The following NPC1 variants were observed in gnomAD, a reference collection of about 807,000 sequenced individuals.
NPC1 encodes the protein NPC intracellular cholesterol transporter 1.
A neutral mutation model predicts 140.4 loss-of-function variants in NPC1; 85 were observed. That is an observed-to-expected ratio of 0.61 (90% CI 0.51 to 0.72). The LOEUF is 0.72. NPC1 is among the 30% of genes least tolerant of loss of function. The pLI, the probability that NPC1 is intolerant of heterozygous loss-of-function variation, is 0.00. For synonymous variants in NPC1, 656 were observed against 624.8 expected, an observed-to-expected ratio of 1.05 and a Z score of -0.74; for missense variants, 1,504 against 1,623.8, an observed-to-expected ratio of 0.93 and a Z score of 1.27.
downstream of NPC1, among the ~76,000 whole-genome samples, chr18:23,524,805 G>C (rs1652335): frequency 6.6e-6 from 1 of 151,826 alleles, no homozygotes; most frequent in Admixed American, 6.6e-5. Flanking sequence ...TTCTCCCATC[G>C]ACCTTCCCAC....
chr18:23,577,672 G>C (rs1035119244), intron 1 of NPC1, among the ~76,000 whole-genome samples: 1 of 152,242 alleles, frequency 6.6e-6, no homozygotes, highest in Non-Finnish European at 1.5e-5. Context: ...GGGCGCCGTG[G>C]AGCAGGGGGT....
chr18:23,517,359 A>G (rs976808528), downstream of NPC1, among the ~76,000 whole-genome samples: 1 of 152,132 alleles, frequency 6.6e-6, no homozygotes, highest in Non-Finnish European at 1.5e-5. Context: ...CATGTTGGCC[A>G]GGGTGGTCTC....
chr18:23,529,392 G>C (rs543174469), downstream of NPC1: 1 of 1,490,356 alleles, frequency 6.7e-7, no homozygotes, highest in East Asian at 2.3e-5. Flanking sequence ...AGAGTCACTT[G>C]AAGTGATTAG....
Position 23,533,531 on chromosome 18 carries a change from T to TA in NPC1, c.3592-15dup, listed in dbSNP as rs753956928. On this transcript the variant is annotated splice_polypyrimidine_tract_variant and intron_variant, in intron 23 of 24. Coordinates refer to ENST00000269228, the MANE Select transcript of NPC1 (RefSeq NM_000271.5). ...TCCACTGAACACCTAAAAGAAGAGA[T>TA]ACTGTGTTAGAAACCACTTTTACCA... 3.1e-6 allele frequency: 5 copies of TA among 1,613,628 alleles called. No individual in the cohort carries two copies. The highest frequency in any genetic ancestry group is 1.1e-5 in the South Asian group (1 of 91,080).
Position 23,532,014 on chromosome 18 carries a change from C to G in NPC1, c.*188G>C. On this transcript the variant is annotated 3_prime_UTR_variant, in exon 25 of 25. Coordinates refer to ENST00000269228, the MANE Select transcript of NPC1 (RefSeq NM_000271.5). ...TAGTGTCCTGTGGTTGCCTCCAGAT[C>G]TAGTAATACTGCTTCCCAAGTCAAC... 2 of 1,505,292 alleles carry G rather than the reference C, an allele frequency of 1.3e-6. No homozygotes were observed. Among genetic ancestry groups the G allele is most frequent in the Non-Finnish European group, 1.8e-6 (2 of 1,130,552 alleles). The allele number at this position is 1,505,292 out of a possible 1,614,324, so 93.2% of individuals were successfully genotyped here. A position where few individuals can be genotyped will look rare whatever the true frequency, so the allele number is the denominator to read the frequency against.
intron 19 of NPC1, 42 bp from the exon 20 acceptor site, chr18:23,538,713 T>C (rs1452680661): frequency 6.2e-7 from 1 of 1,610,322 alleles, no homozygotes; most frequent in South Asian, 1.1e-5. Flanking sequence ...AGAATAGGTC[T>C]CCAGATTTTT....
At chr18:23,563,018 C>T (rs2059066420) in intron 4 of NPC1, among the ~76,000 whole-genome samples, 3 of 152,164 alleles carry the variant, frequency 2.0e-5, no homozygotes. Context: ...ATCCTGTATT[C>T]TAGCTATGCA....
chr18:23,535,790 T>C, intron 21 of NPC1, 90 bp from the exon 22 acceptor site: 1 of 874,406 alleles, frequency 1.1e-6, no homozygotes, highest in Non-Finnish European at 1.9e-6. Flanking sequence ...GTGGTCAGAC[T>C]CCTTTGGGAA....
intron 3 of NPC1, chr18:23,516,414 T>C: frequency 6.2e-7 from 1 of 1,614,040 alleles, no homozygotes; most frequent in Non-Finnish European, 8.5e-7. Context: ...GACATCGCAA[T>C]GGCTACCATG....
intron 3 of NPC1, among the ~76,000 whole-genome samples, chr18:23,570,986 G>T (rs562240498): frequency 6.6e-6 from 1 of 152,154 alleles, no homozygotes; most frequent in Admixed American, 6.5e-5. Context: ...ACTGCATGAT[G>T]AGAGTCTCAG....
At position 23,560,389 on chromosome 18, in the gene NPC1, T is replaced by C. The variant is rs1445528921; in HGVS notation, c.723A>G (p.Gln241=). 1.2e-6 allele frequency: 2 copies of C among 1,614,240 alleles called. No homozygotes were observed. Among genetic ancestry groups the C allele is most frequent in the African/African-American group, 1.3e-5 (1 of 75,076 alleles). ...VDEVTAPCSC[Q]DCSIVCGPKP... The stretch of plus-strand genomic sequence containing the variant: ...TGGGGCCACAGACAATAGAGCAGTC[T>C]TGGCAGCTACATGGTGCTGTGACCT... The change falls in exon 6 of 25, where the codon CAA becomes CAG. Residue 241 remains glutamine (Q), a synonymous_variant. Transcript: ENST00000269228.
chr18:23,523,328 T>C (rs772674935), intron 1 of NPC1, among the ~76,000 whole-genome samples: 9 of 151,922 alleles, frequency 5.9e-5, no homozygotes, highest in South Asian at 2.1e-4. Context: ...TAACGGTCCC[T>C]GTCATGTGAG....
At chr18:23,544,283 G>GC (rs1339357866) in intron 13 of NPC1, 61 bp downstream of exon 13, 1 of 1,503,458 alleles carries the variant, frequency 6.7e-7, no homozygotes, top group Non-Finnish European at 9.2e-7. Flanking sequence ...GAGCCCAGGA[G>GC]CCATTCACAG....
downstream of NPC1, among the ~76,000 whole-genome samples, chr18:23,521,808 C>G (rs1446932000): frequency 1.3e-5 from 2 of 152,098 alleles, no homozygotes; most frequent in Non-Finnish European, 2.9e-5. Context: ...TCCTGGCAGG[C>G]CTCTTTGCAG....
rs1218879199 is a variant in NPC1, at chr18:23,541,462, C to T, written c.2246-29G>A. ...TCGGGGAGAGAAGGGCTCTGCGTCA[C>T]TTCTGTTTACAGCCGGGGGCTCTCT... On this transcript the variant is annotated intron_variant, in intron 14 of 24. Coordinates refer to ENST00000269228, the MANE Select transcript of NPC1 (RefSeq NM_000271.5). The T allele has an allele frequency of 1.9e-6, 3 of 1,614,018 alleles. No homozygotes were observed. The African/African-American group carries it at 4.0e-5, about 22-fold the overall frequency.
Position 23,533,537 on chromosome 18 carries a change from G to C in NPC1, c.3592-20C>G. ...GAACACCTAAAAGAAGAGATACTGT[G>C]TTAGAAACCACTTTTACCAACCTGT... On this transcript the variant is annotated intron_variant, in intron 23 of 24. Transcript: ENST00000269228. The C allele has an allele frequency of 6.2e-7, 1 of 1,612,922 alleles. No homozygotes were observed. The highest frequency in any genetic ancestry group is 8.5e-7 in the Non-Finnish European group (1 of 1,178,934).
downstream of NPC1, chr18:23,530,691 A>C (rs556380604): frequency 7.3e-7 from 1 of 1,372,772 alleles, no homozygotes; most frequent in South Asian, 1.4e-5. Flanking sequence ...GTGGGCGAGG[A>C]CCCTGGGTTA....
At chr18:23,551,875 C>T (rs561762976) in intron 9 of NPC1, 148 bp from the exon 10 acceptor site, 25 of 713,350 alleles carry the variant, frequency 3.5e-5, no homozygotes, top group South Asian at 3.5e-4. Flanking sequence ...TAATACAGCT[C>T]AGCACTCACC....
intron 6 of NPC1, among the ~76,000 whole-genome samples, chr18:23,559,720 C>A (rs750525553): frequency 2.0e-5 from 3 of 151,976 alleles, no homozygotes; most frequent in Non-Finnish European, 2.9e-5. Context: ...GAGGCCAAGG[C>A]GGGCAGATCA....
Sources: allele counts gnomAD v4.1 joint callset (sites outside exome capture counted in the v4.1 genomes callset), GRCh38; gene constraint gnomAD v4.1.1; transcripts MANE v1.5; gene names NCBI Gene and HGNC (gene_info 2026-07-23, HGNC 2026-07-21).